KAT6A: variants seen among roughly 807,000 people sequenced by gnomAD.
KAT6A encodes the protein lysine acetyltransferase 6A.
A neutral mutation model predicts 198.4 loss-of-function variants in KAT6A; 9 were observed. The observed-to-expected ratio is 0.05, with a 90% CI of 0.03 to 0.08. The LOEUF (loss-of-function observed/expected upper bound fraction) is 0.08, where lower values mean the gene tolerates loss of function less well. Ranked by LOEUF, KAT6A falls within the 10% of genes least tolerant of loss-of-function variation. The pLI is 1.00. For synonymous variants in KAT6A, 890 were observed against 883.0 expected, an observed-to-expected ratio of 1.01 and a Z score of -0.14; for missense variants, 2,077 against 2,509.9, an observed-to-expected ratio of 0.83 and a Z score of 3.69.
intron 12 of KAT6A, among the ~76,000 whole-genome samples, chr8:41,944,287 A>G (rs1297989904): frequency 1.3e-5 from 2 of 152,200 alleles, no homozygotes; most frequent in African/African-American, 4.8e-5. Flanking sequence ...GTCCTGGGGA[A>G]AACAAGCCTT....
chr8:42,050,778 T>C (rs775039851), intron 1 of KAT6A, among the ~76,000 whole-genome samples: 1 of 152,148 alleles, frequency 6.6e-6, no homozygotes, highest in Non-Finnish European at 1.5e-5. Context: ...CCTAATTGAC[T>C]AAGCTTCGCA....
chr8:41,955,206 T>C, intron 9 of KAT6A, 90 bp downstream of exon 9: 2 of 811,394 alleles, frequency 2.5e-6, no homozygotes, highest in Non-Finnish European at 4.2e-6. Context: ...ATGTAAAGGA[T>C]AAGGTGGACT....
At chr8:42,028,380 C>G (rs10808956) in intron 2 of KAT6A, among the ~76,000 whole-genome samples, 44,011 of 152,006 alleles carry the variant, frequency 0.29, 6,522 homozygotes, top group Middle Eastern at 0.45. Context: ...CCCTTTAGAT[C>G]TAATAACATT....
chr8:42,003,660 T>G (rs906115988), intron 2 of KAT6A, among the ~76,000 whole-genome samples: 2 of 152,162 alleles, frequency 1.3e-5, no homozygotes, highest in African/African-American at 2.4e-5. Context: ...AGGAGGTCAT[T>G]GTTACAGGCT....
At position 41,949,294 on chromosome 8, in the gene KAT6A, G is replaced by A. The variant is rs746969345; in HGVS notation, c.1668C>T (p.His556=). The change falls in exon 10 of 17, where the codon CAC becomes CAT. Residue 556 remains histidine (H), a synonymous_variant. Transcript: ENST00000265713. ...GATGGAACCAACCACATTTCTTCAT[G>A]TGCTGCTGCAGAATAGTTCTACTTT... ...YMKSRTILQQ[H]MKKCGWFHPP... is the part of the protein sequence containing the mutation. 4.4e-6 allele frequency: 7 copies of A among 1,577,814 alleles called. No homozygotes were observed. In the South Asian group the frequency reaches 7.1e-5, roughly 16 times the overall value.
intron 8 of KAT6A, among the ~76,000 whole-genome samples, chr8:41,959,995 C>A (rs952996356): frequency 6.6e-6 from 1 of 151,678 alleles, no homozygotes; most frequent in Non-Finnish European, 1.5e-5. Flanking sequence ...GCAATTCTGA[C>A]ACAGGCTAAA....
intron 5 of KAT6A, 108 bp from the exon 6 acceptor site, chr8:41,978,885 AT>A: frequency 9.8e-7 from 1 of 1,018,794 alleles, no homozygotes; most frequent in Non-Finnish European, 1.4e-6. Context: ...AAAGACTGTC[AT>A]TAGAAAATCT....
At chr8:41,955,037 A>T (rs1822856952) in intron 9 of KAT6A, among the ~76,000 whole-genome samples, 1 of 152,170 alleles carries the variant, frequency 6.6e-6, no homozygotes, top group South Asian at 2.1e-4. Context: ...AAAAAAATAA[A>T]AAAGCATTCC....
chr8:42,007,540 C>G (rs1164805677), intron 2 of KAT6A, among the ~76,000 whole-genome samples: 1 of 152,096 alleles, frequency 6.6e-6, no homozygotes, highest in Non-Finnish European at 1.5e-5. Flanking sequence ...AATGTGTGGA[C>G]TGAGTTCTAT....
At chr8:41,957,460 G>C (rs1239446782) in intron 8 of KAT6A, 2 of 328,828 alleles carry the variant, frequency 6.1e-6, no homozygotes, top group South Asian at 5.0e-5. Flanking sequence ...ACCTTTGCTA[G>C]GTCTTTTTAT....
chr8:41,947,926 C>G lies in KAT6A; in HGVS notation c.1741-14G>C. On this transcript the variant is annotated splice_polypyrimidine_tract_variant and intron_variant, in intron 10 of 16. Transcript: ENST00000265713. The stretch of plus-strand genomic sequence containing the variant: ...ATTCCCATCAACCTAGAGAAATAAA[C>G]AGAACAAAACAGTCAGTAGAGGGTC... The G allele has an allele frequency of 6.4e-7, 1 of 1,574,210 alleles. No homozygotes were observed.
At chr8:41,973,380 C>T (rs546346432) in intron 8 of KAT6A, among the ~76,000 whole-genome samples, 6 of 151,938 alleles carry the variant, frequency 3.9e-5, no homozygotes, top group Admixed American at 2.0e-4. Context: ...CGTGTGCCAC[C>T]GGCTAATTTT....
At chr8:42,013,098 A>C (rs1826097635) in intron 2 of KAT6A, among the ~76,000 whole-genome samples, 3 of 150,518 alleles carry the variant, frequency 2.0e-5, no homozygotes, top group Admixed American at 1.3e-4. Context: ...TGGATAATGG[A>C]TCTTTCCTAT....
At chr8:42,051,346 C>A (rs1219967728) in intron 1 of KAT6A, among the ~76,000 whole-genome samples, 2 of 151,930 alleles carry the variant, frequency 1.3e-5, no homozygotes, top group South Asian at 2.1e-4. Flanking sequence ...GCCCCGCTCG[C>A]CGCCTCAGCC....
At chr8:42,035,161 A>G (rs1000138957) in intron 2 of KAT6A, among the ~76,000 whole-genome samples, 10 of 152,238 alleles carry the variant, frequency 6.6e-5, no homozygotes, top group Admixed American at 6.5e-4. Flanking sequence ...AAAGTGTAAG[A>G]GAGAAGACAT....
chr8:42,025,352 C>A (rs1293721293), intron 2 of KAT6A, among the ~76,000 whole-genome samples: 3 of 138,604 alleles, frequency 2.2e-5, no homozygotes, highest in Non-Finnish European at 4.7e-5. Context: ...GCTGGGATTA[C>A]AGGTGCCCAC....
intron 8 of KAT6A, among the ~76,000 whole-genome samples, chr8:41,970,782 T>C (rs868503714): frequency 1.2e-4 from 19 of 152,242 alleles, no homozygotes; most frequent in African/African-American, 2.2e-4. Context: ...TGTATGTTTA[T>C]TGCGGCACTA....
chr8:41,959,345 CA>C (rs1022435364), intron 8 of KAT6A, among the ~76,000 whole-genome samples: 1 of 151,968 alleles, frequency 6.6e-6, no homozygotes, highest in African/African-American at 2.4e-5. Context: ...TGCAAAACAC[CA>C]GAAAATAACA....
At chr8:41,976,046 T>C (rs1824034178) in intron 7 of KAT6A, among the ~76,000 whole-genome samples, 2 of 152,212 alleles carry the variant, frequency 1.3e-5, no homozygotes, top group Non-Finnish European at 2.9e-5. Flanking sequence ...ATCATCACTA[T>C]GGTAAAAGAC....
Sources: allele counts gnomAD v4.1 joint callset (sites outside exome capture counted in the v4.1 genomes callset), GRCh38; gene constraint gnomAD v4.1.1; transcripts MANE v1.5; gene names NCBI Gene and HGNC (gene_info 2026-07-23, HGNC 2026-07-21).